The following EML6 variants were observed in gnomAD, a reference collection of about 807,000 sequenced individuals.
EML6 encodes EMAP like 6.
Under a neutral mutation model 240.1 loss-of-function variants are expected in EML6, and 154 were observed. That is an observed-to-expected ratio of 0.64 (90% CI 0.56 to 0.73). The LOEUF is 0.73. EML6 is among the 30% of genes least tolerant of loss of function. The probability of loss-of-function intolerance (pLI) is 0.00; values close to 1 mark genes in which losing one functional copy is unlikely to be tolerated. For synonymous variants in EML6, 1,148 were observed against 899.0 expected, an observed-to-expected ratio of 1.28 and a Z score of -4.95; for missense variants, 2,964 against 2,474.6, an observed-to-expected ratio of 1.20 and a Z score of -4.20.
chr2:54,921,170 A>G (rs1326411852), intron 26 of EML6, among the ~76,000 whole-genome samples: 1 of 152,128 alleles, frequency 6.6e-6, no homozygotes, highest in South Asian at 2.1e-4. Context: ...ATGTAAAATT[A>G]TCTCTATTTA....
chr2:54,776,490 G>C lies in EML6; in HGVS notation c.198-36742G>C, dbSNP rs573975062. On this transcript the variant is annotated intron_variant, in intron 2 of 41. Transcript: ENST00000356458. Reference sequence around the variant, plus strand: ...TCTATATTTTTGAATATAGGTAGTAGGCTCATAAAATCTTACACGTATATT... The same window carrying C: ...TCTATATTTTTGAATATAGGTAGTACGCTCATAAAATCTTACACGTATATT... Among the ~76,000 whole-genome samples the C allele has an allele frequency of 2.0e-5, 3 of 152,158 alleles. No individual in the cohort carries two copies. The East Asian group carries it at 5.8e-4, about 29-fold the overall frequency.
chr2:54,884,709 T>C (rs1194732376), intron 17 of EML6, among the ~76,000 whole-genome samples: 1 of 152,190 alleles, frequency 6.6e-6, no homozygotes, highest in Admixed American at 6.5e-5. Flanking sequence ...AACTAAAAAG[T>C]TCTCACAAAA....
At position 54,744,488 on chromosome 2, in the gene EML6, CA is replaced by C. The variant is rs539556544; in HGVS notation, c.197+19231del. ...ACTGTGACTGGATCTGGATTTTAGA[CA>C]TACGGACTTATAAAAAAGTAGCATG... On this transcript the variant is annotated intron_variant, in intron 2 of 41. Coordinates refer to ENST00000356458, the MANE Select transcript of EML6 (RefSeq NM_001039753.4). Among the ~76,000 whole-genome samples the C allele has an allele frequency of 9.2e-5, 14 of 152,196 alleles. No individual in the cohort carries two copies. In the South Asian group the frequency reaches 2.5e-3, roughly 27 times the overall value.
At chr2:54,966,562 T>C (rs146823785) in intron 38 of EML6, among the ~76,000 whole-genome samples, 71 of 152,346 alleles carry the variant, frequency 4.7e-4, no homozygotes, top group African/African-American at 1.6e-3. Context: ...GCCTTACCTC[T>C]GTACCAAAGG....
intron 7 of EML6, among the ~76,000 whole-genome samples, chr2:54,842,427 T>A (rs1410423235): frequency 6.6e-6 from 1 of 152,202 alleles, no homozygotes; most frequent in South Asian, 2.1e-4. Flanking sequence ...CTAATTGGAA[T>A]GACAGATTAC....
At chr2:54,951,029 C>A (rs1011276702) in intron 30 of EML6, among the ~76,000 whole-genome samples, 1 of 152,090 alleles carries the variant, frequency 6.6e-6, no homozygotes, top group East Asian at 1.9e-4. Context: ...CATGTTGACA[C>A]CAGCCTCTGT....
intron 26 of EML6, among the ~76,000 whole-genome samples, chr2:54,921,657 C>G (rs1207811253): frequency 6.6e-6 from 1 of 152,048 alleles, no homozygotes; most frequent in African/African-American, 2.4e-5. Flanking sequence ...GGAAGTGTCA[C>G]ACTTTGAAAT....
chr2:54,928,600 C>A (rs754392151), intron 27 of EML6, 25 bp from the exon 28 acceptor site: 1 of 1,551,962 alleles, frequency 6.4e-7, no homozygotes, highest in Non-Finnish European at 8.7e-7. Context: ...CCAACTGGCT[C>A]CCCAATCTCT....
At chr2:54,857,927 C>A (rs1283603252) in intron 11 of EML6, among the ~76,000 whole-genome samples, 1 of 152,198 alleles carries the variant, frequency 6.6e-6, no homozygotes, top group East Asian at 1.9e-4. Flanking sequence ...TTTGCAGGTT[C>A]TAGTTCCAGC....
chr2:54,928,671 C>T lies in EML6; in HGVS notation c.3924C>T (p.Thr1308=). The T allele has an allele frequency of 6.4e-7, 1 of 1,551,980 alleles. No homozygotes were observed. Among genetic ancestry groups the T allele is most frequent in the Non-Finnish European group, 8.7e-7 (1 of 1,147,032 alleles). ...GAGAAAAGGCCATTGACTACACCACCAAGATTTATGCTGTGAGCATCAGGG... is the reference window on the plus strand; with the variant it reads ...GAGAAAAGGCCATTGACTACACCACTAAGATTTATGCTGTGAGCATCAGGG... ...VAREKAIDYT[T]KIYAVSIREM... The change falls in exon 28 of 42, where the codon ACC becomes ACT. Residue 1308 remains threonine, a synonymous_variant. Coordinates refer to ENST00000356458, the MANE Select transcript of EML6 (RefSeq NM_001039753.4).
intron 2 of EML6, among the ~76,000 whole-genome samples, chr2:54,798,785 T>C (rs1213005519): frequency 1.3e-5 from 2 of 152,252 alleles, no homozygotes; most frequent in African/African-American, 2.4e-5. Flanking sequence ...TTATTTATTC[T>C]TGCTTTATTG....
intron 29 of EML6, 62 bp from the exon 30 acceptor site, chr2:54,950,588 G>C (rs1675924637): frequency 1.3e-6 from 2 of 1,535,836 alleles, no homozygotes; most frequent in Non-Finnish European, 1.8e-6. Flanking sequence ...CAATGTGGGT[G>C]TGTTCCTCGG....
chr2:54,928,222 C>T (rs1674659784), intron 26 of EML6, 91 bp from the exon 27 acceptor site: 1 of 1,004,380 alleles, frequency 1.0e-6, no homozygotes, highest in African/African-American at 1.6e-5. Flanking sequence ...TGAACTGTTT[C>T]CTTTGTATCC....
intron 9 of EML6, among the ~76,000 whole-genome samples, chr2:54,849,679 A>G (rs922286900): frequency 6.6e-6 from 1 of 152,154 alleles, no homozygotes; most frequent in Admixed American, 6.5e-5. Context: ...TCATAGAGAT[A>G]GGGTTTCACC....
At chr2:54,834,995 G>A (rs11674173) in intron 7 of EML6, among the ~76,000 whole-genome samples, 8,438 of 152,186 alleles carry the variant, frequency 0.055, 441 homozygotes, top group East Asian at 0.3. Flanking sequence ...CCTTATGGCA[G>A]CCACCACCCT....
chr2:54,795,896 T>A (rs894145327), intron 2 of EML6, among the ~76,000 whole-genome samples: 6 of 152,210 alleles, frequency 3.9e-5, no homozygotes, highest in Non-Finnish European at 7.3e-5. Flanking sequence ...CTTAAAAAGC[T>A]GCTTCTGTGG....
chr2:54,933,626 C>A (rs1674977584), intron 28 of EML6, among the ~76,000 whole-genome samples: 1 of 151,904 alleles, frequency 6.6e-6, no homozygotes, highest in Non-Finnish European at 1.5e-5. Flanking sequence ...CTCAGCTACT[C>A]GGGAGGCTGA....
intron 18 of EML6, among the ~76,000 whole-genome samples, chr2:54,892,153 A>G (rs1672504820): frequency 6.6e-6 from 1 of 152,136 alleles, no homozygotes; most frequent in African/African-American, 2.4e-5. Flanking sequence ...TGAGATGCAT[A>G]TTGATTGCTC....
In EML6 at chr2:54,779,415, G is replaced by A. The variant is rs189951063; in HGVS notation, c.198-33817G>A. Among the ~76,000 whole-genome samples the A allele has an allele frequency of 5.6e-3, 849 of 151,948 alleles. 2 individuals are homozygous for A. The highest frequency in any genetic ancestry group is 7.6e-3 in the Non-Finnish European group (514 of 67,946). ...AAAAAAATTAGCTGGGTGTGGTAGC[G>A]GGTGCCTGTAATCTCAGCTACTCTG... is the stretch of plus-strand genomic sequence containing the variant. On this transcript the variant is annotated intron_variant, in intron 2 of 41. Coordinates refer to ENST00000356458, the MANE Select transcript of EML6 (RefSeq NM_001039753.4).
Sources: gnomAD v4.1 joint callset for allele counts (sites outside exome capture counted in the v4.1 genomes callset) on GRCh38, gnomAD v4.1.1 for gene constraint, MANE v1.5 for transcripts, NCBI Gene and HGNC (gene_info 2026-07-23, HGNC 2026-07-21) for gene names.